USH2A: variants seen among roughly 807,000 people sequenced by gnomAD.
USH2A encodes the protein Usher syndrome 2A (autosomal recessive, mild).
Under a neutral mutation model 538.9 loss-of-function variants are expected in USH2A, and 443 were observed. That is an observed-to-expected ratio of 0.82 (90% confidence interval 0.76 to 0.89). The LOEUF (loss-of-function observed/expected upper bound fraction) is 0.89. USH2A is among the 40% of genes least tolerant of loss of function. The pLI, the probability that USH2A is intolerant of heterozygous loss-of-function variation, is 0.00. For missense variants in USH2A, 6,633 were observed against 6,324.8 expected (o/e 1.05, Z -1.65); for synonymous variants, 2,413 against 2,273.5 (o/e 1.06, Z -1.75).
At chr1:215,809,957 G>A (rs1007814835) in intron 49 of USH2A, among the ~76,000 whole-genome samples, 1 of 152,082 alleles carries the variant, frequency 6.6e-6, no homozygotes, top group Non-Finnish European at 1.5e-5. Context: ...TGTTAAACTA[G>A]CTAACAAAGA....
rs893157830 is a variant in USH2A, at chr1:215,671,158, G to A, written c.13947C>T (p.Phe4649=). 4 of 1,613,986 alleles carry A rather than the reference G, an allele frequency of 2.5e-6. No individual in the cohort carries two copies. Among genetic ancestry groups the A allele is most frequent in the Non-Finnish European group, 3.4e-6 (4 of 1,180,022 alleles). Residue 4649 remains phenylalanine, a synonymous_variant, in exon 64 of 72, where the codon TTC becomes TTT. Transcript: ENST00000307340. ...HLEVQMAPGG[F]QPTVSLLWTG... is the part of the protein sequence containing the mutation. ...TCCACAAAAGAGAAACAGTTGGCTGGAATCCTCCTGGAGCCATTTGTACCT... is the reference window on the plus strand; with the variant it reads ...TCCACAAAAGAGAAACAGTTGGCTGAAATCCTCCTGGAGCCATTTGTACCT...
chr1:216,058,135 G>A lies in USH2A; in HGVS notation c.6050-9488C>T, dbSNP rs1387831026. On this transcript the variant is annotated intron_variant, in intron 30 of 71. Transcript: ENST00000307340. ...TCTTGAACTATGAGGTAGAAGCCTTGTCCATAAGGATGACACAGCAAAAAG... is the reference window on the plus strand; with the variant it reads ...TCTTGAACTATGAGGTAGAAGCCTTATCCATAAGGATGACACAGCAAAAAG... Among the ~76,000 whole-genome samples, 3 of 150,536 alleles carry A rather than the reference G, an allele frequency of 2.0e-5. 1 individual carries two copies. The highest frequency in any genetic ancestry group is 7.4e-5 in the African/African-American group (3 of 40,382).
rs376977640 is a variant in USH2A at position 215,804,102 on chromosome 1, T to A, written c.9740-4977A>T. Among the ~76,000 whole-genome samples the A allele has an allele frequency of 4.1e-3, 616 of 151,836 alleles. 5 individuals are homozygous for A. Among genetic ancestry groups the A allele is most frequent in the Middle Eastern group, 0.014 (4 of 292 alleles). On this transcript the variant is annotated intron_variant, in intron 49 of 71. Coordinates refer to ENST00000307340, the MANE Select transcript of USH2A (RefSeq NM_206933.4). ...CCATATGTAGAAAGCTGAAACTGGA[T>A]CCCTTCCTTACACCTTATACAAAAA...
chr1:215,747,726 T>A (rs1224380295), intron 58 of USH2A, among the ~76,000 whole-genome samples: 1 of 152,346 alleles, frequency 6.6e-6, no homozygotes, highest in South Asian at 2.1e-4. Flanking sequence ...GATATGCTGA[T>A]AGAAATTTCC....
At chr1:215,630,489 T>C in intron 70 of USH2A, among the ~76,000 whole-genome samples, 1 of 25,290 alleles carries the variant, frequency 4.0e-5, no homozygotes, top group Non-Finnish European at 1.3e-4. Context: ...TGTGTATATA[T>C]ATATATATAT....
chr1:215,827,687 G>A (rs1344028024), intron 47 of USH2A, among the ~76,000 whole-genome samples: 2 of 151,952 alleles, frequency 1.3e-5, no homozygotes, highest in Admixed American at 6.6e-5. Context: ...CTCTTTCAAG[G>A]TTCTACCCAT....
chr1:216,399,538 C>T (rs1206429081), intron 3 of USH2A, among the ~76,000 whole-genome samples: 6 of 152,132 alleles, frequency 3.9e-5, no homozygotes, highest in Admixed American at 6.5e-5. Flanking sequence ...CCTTCTCTCA[C>T]ACCTGGCATC....
intron 37 of USH2A, among the ~76,000 whole-genome samples, chr1:215,942,352 G>T (rs1014304272): frequency 2.0e-5 from 3 of 152,088 alleles, no homozygotes; most frequent in Admixed American, 2.0e-4. Flanking sequence ...CCTTTGTTCT[G>T]TTCTACTGGT....
Position 216,321,928 on chromosome 1 carries a change from T to G in USH2A, c.1599A>C (p.Pro533=), listed in dbSNP as rs2037619215. Residue 533 remains proline, a synonymous_variant, in exon 9 of 72, where the codon CCA becomes CCC. Coordinates refer to ENST00000307340, the MANE Select transcript of USH2A (RefSeq NM_206933.4). ...TCTCCTGGGAGCAGAGGCATCTATA[T>G]GGCTGGCTTGTTGTGTCGCAGTTAT... ...HADNCDTTSQ[P]YRCLCSQESF... 6.2e-7 allele frequency: 1 copy of G among 1,613,812 alleles called. No individual in the cohort carries two copies. Among genetic ancestry groups the G allele is most frequent in the African/African-American group, 1.3e-5 (1 of 74,922 alleles).
intron 37 of USH2A, among the ~76,000 whole-genome samples, chr1:215,962,916 G>A (rs1571850211): frequency 6.6e-6 from 1 of 152,194 alleles, no homozygotes; most frequent in South Asian, 2.1e-4. Context: ...TTCAGGATAC[G>A]AGTTGACATG....
intron 37 of USH2A, among the ~76,000 whole-genome samples, chr1:215,961,986 CTG>C (rs1189639694): frequency 6.6e-6 from 1 of 151,818 alleles, no homozygotes; most frequent in Non-Finnish European, 1.5e-5. Context: ...TCTTAAACCT[CTG>C]TAAAAATGTG....
intron 4 of USH2A, among the ~76,000 whole-genome samples, chr1:216,346,412 TTCGCA>T (rs2038176769): frequency 1.3e-5 from 2 of 152,230 alleles, no homozygotes; most frequent in Middle Eastern, 3.4e-3. Context: ...TGTCTTGTGT[TTCGCA>T]TTGCGTTATC....
chr1:215,737,403 C>G (rs1373835720), intron 60 of USH2A, among the ~76,000 whole-genome samples: 1 of 151,800 alleles, frequency 6.6e-6, no homozygotes, highest in Non-Finnish European at 1.5e-5. Context: ...TTTAAATAGT[C>G]ATTAAATCTT....
intron 30 of USH2A, among the ~76,000 whole-genome samples, chr1:216,059,174 A>G (rs1312540470): frequency 1.3e-5 from 2 of 152,226 alleles, no homozygotes; most frequent in Non-Finnish European, 2.9e-5. Context: ...CATAACATAC[A>G]CATATACATA....
chr1:215,871,083 A>G (rs1664613921), intron 43 of USH2A, among the ~76,000 whole-genome samples: 1 of 152,142 alleles, frequency 6.6e-6, no homozygotes. Flanking sequence ...AGTAAAACCA[A>G]TTGTTTTTGG....
intron 13 of USH2A, among the ~76,000 whole-genome samples, chr1:216,246,118 C>T (rs928570476): frequency 5.3e-5 from 8 of 152,264 alleles, no homozygotes; most frequent in African/African-American, 1.9e-4. Context: ...CATGTGGAAA[C>T]AATTCTAGGT....
At chr1:215,712,161 T>C (rs188262248) in intron 61 of USH2A, among the ~76,000 whole-genome samples, 29 of 152,292 alleles carry the variant, frequency 1.9e-4, no homozygotes, top group African/African-American at 7.0e-4. Context: ...TAAAATGTGG[T>C]AGGCCAGGAA....
chr1:215,892,765 A>C (rs1189875189), intron 40 of USH2A, among the ~76,000 whole-genome samples: 1 of 152,092 alleles, frequency 6.6e-6, no homozygotes, highest in East Asian at 1.9e-4. Context: ...TTTCAGCCTG[A>C]CTCTGATAAA....
intron 21 of USH2A, among the ~76,000 whole-genome samples, chr1:216,142,124 T>C (rs1374351949): frequency 1.3e-5 from 2 of 152,196 alleles, no homozygotes; most frequent in African/African-American, 4.8e-5. Context: ...ATTCACTCCT[T>C]ATTGTAAAAC....
Sources: gnomAD v4.1 joint callset for allele counts (sites outside exome capture counted in the v4.1 genomes callset) on GRCh38, gnomAD v4.1.1 for gene constraint, MANE v1.5 for transcripts, NCBI Gene and HGNC (gene_info 2026-07-23, HGNC 2026-07-21) for gene names.